The following PACRG variants were observed in gnomAD, a reference collection of about 807,000 sequenced individuals.
The protein encoded by PACRG is parkin coregulated gene protein.
In PACRG, 29 loss-of-function variants were observed where a neutral mutation model predicts 29.7. That is an observed-to-expected ratio of 0.98 (90% confidence interval 0.73 to 1.33). The LOEUF is 1.33. PACRG is among the 40% of genes most tolerant of loss of function. PACRG has a pLI of 0.00. For missense variants in PACRG, 279 were observed against 316.2 expected (o/e 0.88, Z 0.89); for synonymous variants, 116 against 118.7 (o/e 0.98, Z 0.15).
chr6:162,822,160 TC>T (rs1010327133), intron 2 of PACRG, among the ~76,000 whole-genome samples: 19 of 152,300 alleles, frequency 1.2e-4, no homozygotes, highest in Middle Eastern at 3.4e-3. Context: ...AATAGTTTTT[TC>T]CAGTTTAATG....
At chr6:162,739,768 G>A (rs1020426480) in intron 1 of PACRG, among the ~76,000 whole-genome samples, 3 of 151,156 alleles carry the variant, frequency 2.0e-5, no homozygotes, top group Non-Finnish European at 4.4e-5. Context: ...CTTGAACCCG[G>A]GAGCCAGAGA....
intron 2 of PACRG, among the ~76,000 whole-genome samples, chr6:162,922,832 T>A (rs1406875085): frequency 6.6e-6 from 1 of 152,200 alleles, no homozygotes. Flanking sequence ...CAGGTTGATT[T>A]CATATCTTGG....
At chr6:162,763,216 T>C (rs1480896500) in intron 1 of PACRG, among the ~76,000 whole-genome samples, 3 of 152,212 alleles carry the variant, frequency 2.0e-5, no homozygotes, top group Non-Finnish European at 4.4e-5. Flanking sequence ...GATTATGGCT[T>C]GCAGTAAATG....
At chr6:162,932,736 A>G (rs530585001) in intron 2 of PACRG, among the ~76,000 whole-genome samples, 11 of 151,760 alleles carry the variant, frequency 7.2e-5, no homozygotes, top group African/African-American at 2.4e-4. Flanking sequence ...TGTCCTTTTC[A>G]TTTCTAATTT....
chr6:163,268,576 G>C (rs1198836898), intron 4 of PACRG, among the ~76,000 whole-genome samples: 1 of 152,012 alleles, frequency 6.6e-6, no homozygotes, highest in Admixed American at 6.6e-5. Flanking sequence ...GCCCTAAACG[G>C]TCAGTTTGCT....
intron 2 of PACRG, among the ~76,000 whole-genome samples, chr6:162,875,365 ACATT>A (rs1793244381): frequency 6.6e-6 from 1 of 151,952 alleles, no homozygotes; most frequent in African/African-American, 2.4e-5. Context: ...ACATTCACAC[ACATT>A]CATACACAGA....
intron 2 of PACRG, among the ~76,000 whole-genome samples, chr6:162,914,243 G>C (rs1029163631): frequency 2.6e-5 from 4 of 151,848 alleles, no homozygotes; most frequent in African/African-American, 7.3e-5. Flanking sequence ...TGTGTTATGA[G>C]GTATAAATTG....
At chr6:162,875,888 T>G (rs1206849864) in intron 2 of PACRG, among the ~76,000 whole-genome samples, 1 of 152,238 alleles carries the variant, frequency 6.6e-6, no homozygotes, top group Admixed American at 6.5e-5. Flanking sequence ...GAAATAATTT[T>G]TCTTTCTATT....
chr6:163,049,321 C>T (rs1809738323), intron 2 of PACRG, among the ~76,000 whole-genome samples: 1 of 152,032 alleles, frequency 6.6e-6, no homozygotes. Flanking sequence ...ACTTACCTTA[C>T]ATTTTATACC....
At position 163,222,535 on chromosome 6, in the gene PACRG, G is replaced by A. The variant is rs548042921; in HGVS notation, c.614-92292G>A. On this transcript the variant is annotated intron_variant, in intron 4 of 4. Transcript: ENST00000366888. ...GCGGAGGTTGCGGTGAGCTGAGATC[G>A]CACCACTGTACTGCAGCCTGGGTGA... Among the ~76,000 whole-genome samples, 42 of 152,294 alleles carry A rather than the reference G, an allele frequency of 2.8e-4. No individual in the cohort carries two copies. In the East Asian group the frequency reaches 4.2e-3, roughly 15 times the overall value.
In PACRG at chr6:162,794,478, T is replaced by C. The variant is rs576027867; in HGVS notation, c.157-19669T>C. ...CAAATTTATCAATTTTTATACTTTA[T>C]GGTGTGTCCTTTTAGCTATCTTTCT... On this transcript the variant is annotated intron_variant, in intron 1 of 4. Coordinates refer to ENST00000366888, the MANE Select transcript of PACRG (RefSeq NM_001080379.2). Among the ~76,000 whole-genome samples the C allele has an allele frequency of 1.8e-4, 28 of 152,338 alleles. 1 individual carries two copies. In the East Asian group the frequency reaches 5.0e-3, roughly 27 times the overall value.
At position 162,973,864 on chromosome 6, in the gene PACRG, G is replaced by A. The variant is rs1801735045; in HGVS notation, c.292-88286G>A. ...GGGTCCTATTATTTAGACAGAAGGGGTTAAATGAACCCTACAAGCTTCTTA... is the reference window on the plus strand; with the variant it reads ...GGGTCCTATTATTTAGACAGAAGGGATTAAATGAACCCTACAAGCTTCTTA... On this transcript the variant is annotated intron_variant, in intron 2 of 4. Transcript: ENST00000366888. Among the ~76,000 whole-genome samples, 3 of 152,080 alleles carry A rather than the reference G, an allele frequency of 2.0e-5. No individual in the cohort carries two copies. The South Asian group carries it at 6.2e-4, about 32-fold the overall frequency.
intron 4 of PACRG, among the ~76,000 whole-genome samples, chr6:163,237,964 C>T (rs905700545): frequency 5.9e-5 from 9 of 152,330 alleles, no homozygotes; most frequent in Admixed American, 5.9e-4. Flanking sequence ...ATTTTATATG[C>T]AGCTAAAGTT....
chr6:162,947,611 CATATATATATAT>C (rs1170513962), intron 2 of PACRG, among the ~76,000 whole-genome samples: 15 of 27,990 alleles, frequency 5.4e-4, no homozygotes, highest in African/African-American at 1.6e-3. Flanking sequence ...TATATATAAT[CATATATATATAT>C]ATATATATAT....
At chr6:163,218,208 C>G (rs932962160) in intron 4 of PACRG, among the ~76,000 whole-genome samples, 3 of 152,198 alleles carry the variant, frequency 2.0e-5, no homozygotes, top group African/African-American at 4.8e-5. Flanking sequence ...ACTTACCTCT[C>G]TCTGTCCTCA....
At chr6:162,947,732 C>T (rs1799350141) in intron 2 of PACRG, among the ~76,000 whole-genome samples, 1 of 142,494 alleles carries the variant, frequency 7.0e-6, no homozygotes, top group Admixed American at 7.3e-5. Flanking sequence ...ATGCAAACAT[C>T]AGCAGTGTTT....
intron 4 of PACRG, among the ~76,000 whole-genome samples, chr6:163,164,468 T>C (rs1778705429): frequency 6.6e-6 from 1 of 152,204 alleles, no homozygotes; most frequent in Non-Finnish European, 1.5e-5. Context: ...CCAGCCTCTA[T>C]GTCAGTCCAC....
intron 3 of PACRG, among the ~76,000 whole-genome samples, chr6:163,078,644 C>T (rs1359257606): frequency 6.6e-6 from 1 of 152,128 alleles, no homozygotes; most frequent in African/African-American, 2.4e-5. Flanking sequence ...TCATCATTCT[C>T]TGCCTAAATT....
At chr6:162,855,221 G>A (rs1034995870) in intron 2 of PACRG, among the ~76,000 whole-genome samples, 2 of 152,300 alleles carry the variant, frequency 1.3e-5, no homozygotes, top group African/African-American at 2.4e-5. Context: ...GGATTAGGTG[G>A]AGGAGTGCCT....
Sources: allele counts gnomAD v4.1 joint callset (sites outside exome capture counted in the v4.1 genomes callset), GRCh38; gene constraint gnomAD v4.1.1; transcripts MANE v1.5; gene names NCBI Gene and HGNC (gene_info 2026-07-23, HGNC 2026-07-21).